The following LARGE1 variants were observed in gnomAD, a reference collection of about 807,000 sequenced individuals.
LARGE1 encodes LARGE xylosyl- and glucuronyltransferase 1.
Under a neutral mutation model 87.6 loss-of-function variants are expected in LARGE1, and 43 were observed. That is an observed-to-expected ratio of 0.49 (90% confidence interval 0.38 to 0.63). LARGE1 has a LOEUF of 0.63. Ranked by LOEUF, LARGE1 falls within the 30% of genes least tolerant of loss-of-function variation. The pLI is 0.00. For missense variants in LARGE1, 802 were observed against 1,000.2 expected (o/e 0.80, Z 2.67); for synonymous variants, 434 against 394.6 (o/e 1.10, Z -1.18).
chr22:33,117,676 A>C, the LARGE1 span, among the ~76,000 whole-genome samples: 2 of 152,176 alleles, frequency 1.3e-5, no homozygotes, highest in Non-Finnish European at 2.9e-5. Context: ...TTCGAAAATA[A>C]AACAGTGCTC....
chr22:33,843,721 T>C (rs548068510), intron 1 of LARGE1, among the ~76,000 whole-genome samples: 1 of 151,918 alleles, frequency 6.6e-6, no homozygotes, highest in Non-Finnish European at 1.5e-5. Flanking sequence ...TAAAAGAAGT[T>C]TAAAGGCCAC....
the LARGE1 span, among the ~76,000 whole-genome samples, chr22:33,145,374 C>G: frequency 6.6e-6 from 1 of 152,146 alleles, no homozygotes. Context: ...TCATTCTGAC[C>G]TGGCCACTGG....
intron 1 of LARGE1, chr22:33,873,551 C>T (rs1242349552): frequency 6.6e-6 from 1 of 152,254 alleles, no homozygotes; most frequent in Non-Finnish European, 1.5e-5. Flanking sequence ...GCTCGTCTGC[C>T]TGGGGTCCAG....
chr22:33,258,206 T>A (rs1381971876), intron 11 of LARGE1, among the ~76,000 whole-genome samples: 3 of 152,044 alleles, frequency 2.0e-5, no homozygotes, highest in African/African-American at 7.2e-5. Flanking sequence ...AATTTTTGTA[T>A]TTTTTAGTAG....
chr22:33,385,846 C>CAGTT (rs2065306216), intron 7 of LARGE1, among the ~76,000 whole-genome samples: 1 of 148,430 alleles, frequency 6.7e-6, no homozygotes, highest in Admixed American at 6.7e-5. Flanking sequence ...AGACTCAAGG[C>CAGTT]AGTTGAAAAA....
intron 9 of LARGE1, among the ~76,000 whole-genome samples, chr22:33,344,115 C>T (rs1939465639): frequency 6.6e-6 from 1 of 152,210 alleles, no homozygotes; most frequent in Admixed American, 6.5e-5. Context: ...TTTGCCTTCT[C>T]CAGCCCACTG....
intron 1 of LARGE1, among the ~76,000 whole-genome samples, chr22:33,784,499 G>T (rs1001356381): frequency 6.6e-6 from 1 of 152,126 alleles, no homozygotes; most frequent in Non-Finnish European, 1.5e-5. Context: ...CTAACTTCTC[G>T]CTTAAATTTG....
rs1238423181 is a variant in LARGE1, at chr22:33,689,409, AAC to A, written c.107-38743_107-38742del. On this transcript the variant is annotated intron_variant, in intron 2 of 14. Coordinates refer to ENST00000397394, the MANE Select transcript of LARGE1 (RefSeq NM_133642.5). ...GTTTGGCCAATATCGTGACAGATAAAACACAGAGAGATGAGACAGACAGAGGT... is the reference window on the plus strand; with the variant it reads ...GTTTGGCCAATATCGTGACAGATAAAACAGAGAGATGAGACAGACAGAGGT... 3.3e-5 allele frequency among the ~76,000 whole-genome samples: 5 copies of A among 152,340 alleles called. No homozygotes were observed. The East Asian group carries it at 9.6e-4, about 29-fold the overall frequency.
At chr22:33,746,474 T>A (rs1476866538) in intron 2 of LARGE1, 1 of 152,230 alleles carries the variant, frequency 6.6e-6, no homozygotes, top group Non-Finnish European at 1.5e-5. Flanking sequence ...CCTCACTATC[T>A]GGAGTGTGTG....
the LARGE1 span, among the ~76,000 whole-genome samples, chr22:33,096,214 G>C: frequency 6.6e-6 from 1 of 152,052 alleles, no homozygotes; most frequent in African/African-American, 2.4e-5. Context: ...TCAGGAGTTT[G>C]AGACCAGCCT....
chr22:33,077,189 C>T, the LARGE1 span, among the ~76,000 whole-genome samples: 1 of 152,112 alleles, frequency 6.6e-6, no homozygotes. Flanking sequence ...AGGAATAGTA[C>T]ATACAAGTTA....
At chr22:33,365,494 C>T (rs1010572956) in intron 9 of LARGE1, among the ~76,000 whole-genome samples, 1 of 152,174 alleles carries the variant, frequency 6.6e-6, no homozygotes, top group Non-Finnish European at 1.5e-5. Flanking sequence ...TGCCTGGCAA[C>T]CAAGTGAAAG....
At chr22:33,846,317 A>G (rs141491327) in intron 1 of LARGE1, among the ~76,000 whole-genome samples, 34 of 152,366 alleles carry the variant, frequency 2.2e-4, no homozygotes, top group African/African-American at 7.7e-4. Context: ...TAAATTGTGA[A>G]GATTTCTTGG....
intron 6 of LARGE1, among the ~76,000 whole-genome samples, chr22:33,561,036 G>A (rs1342979515): frequency 3.3e-5 from 5 of 152,128 alleles, no homozygotes; most frequent in African/African-American, 9.7e-5. Flanking sequence ...GGATGGTTTC[G>A]ATCTCCTGAC....
At chr22:33,486,177 C>T (rs2069564217) in intron 6 of LARGE1, among the ~76,000 whole-genome samples, 1 of 152,156 alleles carries the variant, frequency 6.6e-6, no homozygotes, top group Non-Finnish European at 1.5e-5. Context: ...TGTGGCTTGC[C>T]CACTCTGAGC....
intron 2 of LARGE1, among the ~76,000 whole-genome samples, chr22:33,690,821 T>C (rs932552242): frequency 6.6e-6 from 1 of 152,170 alleles, no homozygotes; most frequent in African/African-American, 2.4e-5. Flanking sequence ...GGCTGGCACC[T>C]TCTTGCTGTT....
At chr22:33,780,585 C>T (rs1460694025) in intron 1 of LARGE1, among the ~76,000 whole-genome samples, 2 of 152,192 alleles carry the variant, frequency 1.3e-5, no homozygotes, top group Non-Finnish European at 2.9e-5. Context: ...GACTATGACC[C>T]TGATGAACAC....
chr22:33,565,809 G>T (rs1377990681), intron 5 of LARGE1, among the ~76,000 whole-genome samples: 1 of 152,224 alleles, frequency 6.6e-6, no homozygotes, highest in Non-Finnish European at 1.5e-5. Context: ...ATGGCTTGCA[G>T]GTGGGCAGAG....
chr22:33,870,002 T>C (rs2146666582), intron 1 of LARGE1, among the ~76,000 whole-genome samples: 1 of 152,334 alleles, frequency 6.6e-6, no homozygotes, highest in South Asian at 2.1e-4. Flanking sequence ...CCCAGAAAGA[T>C]GTGTTGAAGT....
Sources: gnomAD v4.1 joint callset for allele counts (sites outside exome capture counted in the v4.1 genomes callset) on GRCh38, gnomAD v4.1.1 for gene constraint, MANE v1.5 for transcripts, NCBI Gene and HGNC (gene_info 2026-07-23, HGNC 2026-07-21) for gene names.